The following KPNA3 variants were observed in gnomAD, a reference collection of about 807,000 sequenced individuals.
The protein encoded by KPNA3 is importin subunit alpha-4.
In KPNA3, 13 loss-of-function variants were observed where a neutral mutation model predicts 73.8. The observed-to-expected ratio is 0.18, with a 90% confidence interval of 0.11 to 0.28. KPNA3 has a LOEUF of 0.28. Among genes scored for constraint, KPNA3 ranks in the 10% least tolerant of loss-of-function variants. The pLI is 1.00. For missense variants in KPNA3, 360 were observed against 618.1 expected, an observed-to-expected ratio of 0.58 and a Z score of 4.43; for synonymous variants, 186 against 206.9, an observed-to-expected ratio of 0.90 and a Z score of 0.87.
At chr13:49,775,171 A>G (rs1489932354) in intron 1 of KPNA3, among the ~76,000 whole-genome samples, 1 of 75,846 alleles carries the variant, frequency 1.3e-5, no homozygotes, top group East Asian at 5.7e-4. Context: ...TCAAAAAAAA[A>G]AAAAAAAAAA....
chr13:49,720,729 C>CAAAAAAAAAA (rs10707385), intron 9 of KPNA3, among the ~76,000 whole-genome samples: 1 of 88,020 alleles, frequency 1.1e-5, no homozygotes, highest in African/African-American at 4.3e-5. Context: ...GAGACTGTCT[C>CAAAAAAAAAA]AAAAAAAAAA....
intron 8 of KPNA3, 91 bp downstream of exon 8, chr13:49,722,386 A>G: frequency 1.2e-6 from 1 of 837,680 alleles, no homozygotes; most frequent in Non-Finnish European, 1.9e-6. Context: ...ACACACATTA[A>G]ATTCAGAGGA....
intron 1 of KPNA3, among the ~76,000 whole-genome samples, chr13:49,789,239 C>T (rs912257337): frequency 6.6e-6 from 1 of 152,162 alleles, no homozygotes; most frequent in Non-Finnish European, 1.5e-5. Context: ...TGGAAGTCTC[C>T]TCTCTTTAAT....
intron 1 of KPNA3, among the ~76,000 whole-genome samples, chr13:49,784,221 CAAAAAT>C (rs1360129013): frequency 6.6e-6 from 1 of 151,824 alleles, no homozygotes; most frequent in Non-Finnish European, 1.5e-5. Context: ...GATTCTGTCT[CAAAAAT>C]AATGTTTAAA....
chr13:49,715,058 G>A (rs1269252440), intron 10 of KPNA3, among the ~76,000 whole-genome samples: 1 of 151,800 alleles, frequency 6.6e-6, no homozygotes, highest in African/African-American at 2.4e-5. Context: ...TACAGACACT[G>A]AAAAATTCAT....
intron 6 of KPNA3, among the ~76,000 whole-genome samples, chr13:49,730,135 T>C (rs930643256): frequency 3.3e-5 from 5 of 152,214 alleles, no homozygotes; most frequent in African/African-American, 4.8e-5. Context: ...AGCATATTTT[T>C]CTGTATTATA....
chr13:49,769,835 T>C (rs755783126), intron 1 of KPNA3, among the ~76,000 whole-genome samples: 31 of 152,196 alleles, frequency 2.0e-4, no homozygotes, highest in Non-Finnish European at 3.8e-4. Flanking sequence ...GAACTGCTAT[T>C]TTCTAAAGTT....
Position 49,783,194 on chromosome 13 carries a change from A to C in KPNA3, c.69+9244T>G, listed in dbSNP as rs1256114956. On this transcript the variant is annotated intron_variant, in intron 1 of 16. Coordinates refer to ENST00000261667, the MANE Select transcript of KPNA3 (RefSeq NM_002267.4). Reference sequence around the variant, plus strand: ...AACTAAATTATATTCTATTTAAGGCAAGTGTCAAAATAAAGTAAAATCTAG... The same window carrying C: ...AACTAAATTATATTCTATTTAAGGCCAGTGTCAAAATAAAGTAAAATCTAG... Among the ~76,000 whole-genome samples, 4 of 152,184 alleles carry C rather than the reference A, an allele frequency of 2.6e-5. No individual in the cohort carries two copies. In the East Asian group the frequency reaches 7.7e-4, roughly 29 times the overall value.
intron 13 of KPNA3, 42 bp from the exon 14 acceptor site, chr13:49,706,211 A>C: frequency 1.2e-6 from 2 of 1,610,914 alleles, no homozygotes; most frequent in Middle Eastern, 3.3e-4. Context: ...CTCTTTATCC[A>C]AAAAGTCTTG....
At chr13:49,746,752 G>C (rs774393782) in intron 2 of KPNA3, among the ~76,000 whole-genome samples, 197 bp downstream of exon 2, 7 of 152,256 alleles carry the variant, frequency 4.6e-5, no homozygotes, top group Non-Finnish European at 1.0e-4. Context: ...TTCAGTGATG[G>C]TAAAGTGCTT....
At chr13:49,778,054 T>G (rs768115871) in intron 1 of KPNA3, among the ~76,000 whole-genome samples, 2 of 152,208 alleles carry the variant, frequency 1.3e-5, no homozygotes, top group Non-Finnish European at 2.9e-5. Context: ...CCATATGTCT[T>G]ACCTTTTAGG....
intron 1 of KPNA3, among the ~76,000 whole-genome samples, chr13:49,772,895 C>T (rs1954866739): frequency 6.6e-6 from 1 of 152,156 alleles, no homozygotes; most frequent in South Asian, 2.1e-4. Flanking sequence ...TAGACTTGTA[C>T]TGATCCAAAA....
chr13:49,749,027 A>T (rs117432226), intron 1 of KPNA3, among the ~76,000 whole-genome samples: 1,650 of 152,316 alleles, frequency 0.011, 18 homozygotes, highest in Non-Finnish European at 0.018. Flanking sequence ...ATAACTGAAA[A>T]GAAAAATATT....
chr13:49,742,189 T>C (rs1954580170), intron 2 of KPNA3, among the ~76,000 whole-genome samples: 1 of 152,192 alleles, frequency 6.6e-6, no homozygotes, highest in Admixed American at 6.5e-5. Context: ...TTGTCAAAAA[T>C]CAACCAACTA....
intron 1 of KPNA3, among the ~76,000 whole-genome samples, chr13:49,779,421 C>G (rs574075499): frequency 6.6e-6 from 1 of 152,284 alleles, no homozygotes; most frequent in Non-Finnish European, 1.5e-5. Context: ...CCTAATGCAG[C>G]CCATCCTCAT....
intron 1 of KPNA3, among the ~76,000 whole-genome samples, chr13:49,748,905 A>T (rs1000704505): frequency 6.6e-6 from 1 of 152,196 alleles, no homozygotes; most frequent in South Asian, 2.1e-4. Context: ...AAATACCAAC[A>T]TTAATGAAGT....
chr13:49,699,772 A>G lies in KPNA3; in HGVS notation c.*2028T>C, dbSNP rs1193569996. ...TAAACTGGAAGGGGTACGGTTCACA[A>G]TATCAAGAAGATTTGGACTTTTAAG... On this transcript the variant is annotated 3_prime_UTR_variant, in exon 17 of 17. Transcript: ENST00000261667. 6.6e-6 allele frequency: 1 copy of G among 152,648 alleles called. No homozygotes were observed. Among genetic ancestry groups the G allele is most frequent in the Non-Finnish European group, 1.5e-5 (1 of 68,036 alleles). 9.5% of individuals were successfully genotyped at this position (152,648 alleles called of 1,614,324 possible). A position where few individuals can be genotyped will look rare whatever the true frequency, so the allele number is the denominator to read the frequency against.
At chr13:49,775,603 CCCCA>C (rs1954891737) in intron 1 of KPNA3, among the ~76,000 whole-genome samples, 1 of 152,132 alleles carries the variant, frequency 6.6e-6, no homozygotes. Flanking sequence ...CCCAGTTCAT[CCCCA>C]CCAAGAAGCC....
chr13:49,778,972 G>A (rs1312138717), intron 1 of KPNA3, among the ~76,000 whole-genome samples: 1 of 152,064 alleles, frequency 6.6e-6, no homozygotes, highest in Non-Finnish European at 1.5e-5. Context: ...TTGATTTTCT[G>A]AAATCAGAAA....
Sources: allele counts gnomAD v4.1 joint callset (sites outside exome capture counted in the v4.1 genomes callset), GRCh38; gene constraint gnomAD v4.1.1; transcripts MANE v1.5; gene names NCBI Gene and HGNC (gene_info 2026-07-23, HGNC 2026-07-21).